Variants in PHACTR3 observed in about 807,000 individuals in gnomAD.
PHACTR3 encodes phosphatase and actin regulator 3, also known as protein phosphatase 1, regulatory subunit 123.
PHACTR3 carries 16 observed loss-of-function variants against 66.8 expected under a neutral mutation model. That is an observed-to-expected ratio of 0.24 (90% confidence interval 0.16 to 0.36). PHACTR3 has a LOEUF of 0.36. PHACTR3 is among the 10% of genes least tolerant of loss of function. PHACTR3 has a pLI of 1.00. For missense variants in PHACTR3, 647 were observed against 719.9 expected (o/e 0.90, Z 1.16); for synonymous variants, 323 against 292.1 (o/e 1.11, Z -1.08).
chr20:59,802,002 C>G (rs780522483), intron 7 of PHACTR3, among the ~76,000 whole-genome samples: 1 of 152,148 alleles, frequency 6.6e-6, no homozygotes, highest in African/African-American at 2.4e-5. Context: ...AGCAGAGCCA[C>G]GAATGTCAGG....
chr20:59,737,439 A>G (rs2146742511), intron 1 of PHACTR3, among the ~76,000 whole-genome samples: 1 of 152,218 alleles, frequency 6.6e-6, no homozygotes, highest in East Asian at 1.9e-4. Flanking sequence ...GGGCAGGAGG[A>G]GTGGAGACAA....
At chr20:59,784,666 G>A (rs1189308407) in intron 7 of PHACTR3, among the ~76,000 whole-genome samples, 1 of 152,164 alleles carries the variant, frequency 6.6e-6, no homozygotes, top group East Asian at 1.9e-4. Context: ...AAGAAAGCTG[G>A]AATTCAAAAG....
intron 7 of PHACTR3, among the ~76,000 whole-genome samples, chr20:59,784,362 T>C (rs953520315): frequency 6.6e-6 from 1 of 152,044 alleles, no homozygotes; most frequent in African/African-American, 2.4e-5. Flanking sequence ...TGTACAAACA[T>C]GTATGTGTAT....
intron 8 of PHACTR3, among the ~76,000 whole-genome samples, chr20:59,818,817 C>T (rs1450981808): frequency 5.9e-5 from 9 of 152,224 alleles, no homozygotes; most frequent in Non-Finnish European, 1.3e-4. Context: ...ACTATCATCA[C>T]CTTCACTGCT....
chr20:59,779,713 C>A (rs2015960), intron 7 of PHACTR3, among the ~76,000 whole-genome samples: 38,104 of 152,198 alleles, frequency 0.25, 5,145 homozygotes, highest in African/African-American at 0.35. Context: ...AACTTCAGTT[C>A]TCTATTAGAA....
chr20:59,828,783 G>C (rs1327949548), intron 8 of PHACTR3, among the ~76,000 whole-genome samples: 1 of 152,068 alleles, frequency 6.6e-6, no homozygotes, highest in Non-Finnish European at 1.5e-5. Context: ...CTTGGAGTTT[G>C]TCCTGAGGAT....
At chr20:59,710,150 C>G (rs1488743749) in intron 1 of PHACTR3, among the ~76,000 whole-genome samples, 1 of 152,118 alleles carries the variant, frequency 6.6e-6, no homozygotes, top group African/African-American at 2.4e-5. Flanking sequence ...TTATTTAAAT[C>G]CTCTCTAGTT....
chr20:59,791,246 C>T (rs1390322025), intron 7 of PHACTR3, among the ~76,000 whole-genome samples: 2 of 152,116 alleles, frequency 1.3e-5, no homozygotes, highest in African/African-American at 2.4e-5. Flanking sequence ...CTCTCTTTGC[C>T]CTTCTGTTAT....
chr20:59,723,698 G>C (rs2038440020), intron 1 of PHACTR3, among the ~76,000 whole-genome samples: 1 of 151,942 alleles, frequency 6.6e-6, no homozygotes, highest in Non-Finnish European at 1.5e-5. Context: ...CTCGGTCATT[G>C]GGGTCTACTG....
chr20:59,787,317 C>A (rs1036905632), intron 7 of PHACTR3, among the ~76,000 whole-genome samples: 1 of 152,284 alleles, frequency 6.6e-6, no homozygotes, highest in South Asian at 2.1e-4. Flanking sequence ...CACTGGCTTC[C>A]GGGGCTGGGC....
chr20:59,665,731 T>C (rs536362711), intron 1 of PHACTR3, among the ~76,000 whole-genome samples: 1 of 152,012 alleles, frequency 6.6e-6, no homozygotes, highest in Non-Finnish European at 1.5e-5. Flanking sequence ...CTGTGTGGAC[T>C]GGAGGCTCAG....
intron 8 of PHACTR3, among the ~76,000 whole-genome samples, chr20:59,824,217 G>C (rs2042123664): frequency 6.6e-6 from 1 of 152,096 alleles, no homozygotes; most frequent in Non-Finnish European, 1.5e-5. Context: ...TTGAGTAACT[G>C]GGGACTGGGA....
intron 1 of PHACTR3, among the ~76,000 whole-genome samples, chr20:59,659,332 C>G (rs2035733734): frequency 6.7e-6 from 1 of 149,346 alleles, no homozygotes; most frequent in African/African-American, 2.5e-5. Flanking sequence ...AGTTGGAACA[C>G]TGAGTCAGTC....
intron 8 of PHACTR3, among the ~76,000 whole-genome samples, chr20:59,815,458 C>G (rs1404369124): frequency 7.0e-6 from 1 of 143,694 alleles, no homozygotes; most frequent in African/African-American, 2.7e-5. Flanking sequence ...TGGACTCTCA[C>G]TCTGTCTCCA....
chr20:59,578,719 G>A (rs751937771), intron 1 of PHACTR3, among the ~76,000 whole-genome samples: 10 of 152,144 alleles, frequency 6.6e-5, no homozygotes, highest in Non-Finnish European at 1.3e-4. Flanking sequence ...GCTGGGGTTG[G>A]GAAACCCTGA....
intron 1 of PHACTR3, among the ~76,000 whole-genome samples, chr20:59,721,628 A>G (rs1226536814): frequency 6.6e-6 from 1 of 152,150 alleles, no homozygotes; most frequent in Non-Finnish European, 1.5e-5. Flanking sequence ...AACTAGAGAT[A>G]CCTAAGGAAT....
chr20:59,808,510 GCCCTGGACAGCCCCTAGTCCGCTCCTT>G (rs1455369132), intron 8 of PHACTR3, among the ~76,000 whole-genome samples: 1 of 152,220 alleles, frequency 6.6e-6, no homozygotes, highest in Non-Finnish European at 1.5e-5. Flanking sequence ...GGTAGACAGT[GCCCTGGACAGCCCCTAGTCCGCTCCTT>G]CCCTCTTTAA....
intron 1 of PHACTR3, among the ~76,000 whole-genome samples, chr20:59,636,317 A>G (rs2034901592): frequency 6.6e-6 from 1 of 152,188 alleles, no homozygotes; most frequent in African/African-American, 2.4e-5. Flanking sequence ...TGATTCAATG[A>G]GGGCCTACTA....
chr20:59,624,132 G>A (rs989094128), intron 1 of PHACTR3, among the ~76,000 whole-genome samples: 1 of 152,132 alleles, frequency 6.6e-6, no homozygotes, highest in Non-Finnish European at 1.5e-5. Flanking sequence ...GGCTTTCTTC[G>A]ATGTGAGCCT....
Sources: allele counts gnomAD v4.1 joint callset (sites outside exome capture counted in the v4.1 genomes callset), GRCh38; gene constraint gnomAD v4.1.1; transcripts MANE v1.5; gene names NCBI Gene and HGNC (gene_info 2026-07-23, HGNC 2026-07-21).